Variants in ATP8A2 observed in about 807,000 individuals in gnomAD.
The protein encoded by ATP8A2 is phospholipid-transporting ATPase IB.
A neutral mutation model predicts 165.6 loss-of-function variants in ATP8A2; 100 were observed. The ratio of observed to expected loss-of-function variants is 0.60; its 90% CI spans 0.51 to 0.71. The LOEUF (loss-of-function observed/expected upper bound fraction) is 0.71. ATP8A2 is among the 30% of genes least tolerant of loss of function. The pLI is 0.00. For synonymous variants in ATP8A2, 543 were observed against 548.8 expected (o/e 0.99, Z 0.15); for missense variants, 1,227 against 1,479.5 (o/e 0.83, Z 2.80).
intron 24 of ATP8A2, among the ~76,000 whole-genome samples, chr13:25,658,904 T>A (rs1056234260): frequency 3.9e-5 from 6 of 152,178 alleles, no homozygotes; most frequent in Non-Finnish European, 7.4e-5. Context: ...CTGGTACTAC[T>A]GTAGTCTGCT....
At chr13:25,400,289 C>T (rs17082213) in intron 1 of ATP8A2, among the ~76,000 whole-genome samples, 19,414 of 152,160 alleles carry the variant, frequency 0.13, 1,607 homozygotes, top group African/African-American at 0.23. Flanking sequence ...TAAAGTTTAT[C>T]TCTCCAAATG....
At chr13:25,378,534 A>G (rs1426314491) in intron 1 of ATP8A2, among the ~76,000 whole-genome samples, 4 of 152,128 alleles carry the variant, frequency 2.6e-5, no homozygotes, top group Admixed American at 1.3e-4. Flanking sequence ...CTTTCTTGTC[A>G]CAGAGAAGAG....
chr13:25,720,918 G>A (rs1242044462), intron 25 of ATP8A2, among the ~76,000 whole-genome samples: 2 of 151,270 alleles, frequency 1.3e-5, no homozygotes, highest in Non-Finnish European at 2.9e-5. Context: ...GGACTGGGCA[G>A]AGAGGCCTCA....
chr13:25,974,721 G>A (rs1955990632), intron 35 of ATP8A2, among the ~76,000 whole-genome samples: 2 of 152,042 alleles, frequency 1.3e-5, no homozygotes, highest in African/African-American at 4.8e-5. Flanking sequence ...TGCTCCATCG[G>A]GATGAATTTT....
At chr13:25,545,414 G>A (rs975095443) in intron 10 of ATP8A2, among the ~76,000 whole-genome samples, 2 of 152,012 alleles carry the variant, frequency 1.3e-5, no homozygotes, top group African/African-American at 4.8e-5. Context: ...GTTTAGTGCT[G>A]TAGCCATGCA....
chr13:25,705,862 A>G (rs184847676), intron 25 of ATP8A2, among the ~76,000 whole-genome samples: 2 of 152,388 alleles, frequency 1.3e-5, no homozygotes, highest in East Asian at 1.9e-4. Flanking sequence ...GGTTATACAC[A>G]GTTTCTATGT....
chr13:25,767,211 A>G (rs1593314423), intron 25 of ATP8A2, among the ~76,000 whole-genome samples: 2 of 152,346 alleles, frequency 1.3e-5, no homozygotes, highest in South Asian at 4.1e-4. Flanking sequence ...CAGTTGCACA[A>G]ACTAGGCGGG....
intron 33 of ATP8A2, among the ~76,000 whole-genome samples, chr13:25,873,209 C>G (rs1029685657): frequency 6.6e-6 from 1 of 152,190 alleles, no homozygotes; most frequent in African/African-American, 2.4e-5. Flanking sequence ...AGGGTTTTGG[C>G]TCTTAGGCAA....
chr13:25,431,426 G>A (rs771544621), intron 1 of ATP8A2, among the ~76,000 whole-genome samples: 12 of 152,188 alleles, frequency 7.9e-5, no homozygotes, highest in Non-Finnish European at 1.6e-4. Flanking sequence ...TGGGATTACA[G>A]GCGTGAGCCA....
chr13:25,414,422 C>T (rs1382443888), intron 1 of ATP8A2, among the ~76,000 whole-genome samples: 1 of 152,144 alleles, frequency 6.6e-6, no homozygotes, highest in Non-Finnish European at 1.5e-5. Context: ...GAACTCCTGA[C>T]CTCAGGTGAT....
chr13:25,390,924 C>CAAA (rs201934356), intron 1 of ATP8A2, among the ~76,000 whole-genome samples: 1 of 116,164 alleles, frequency 8.6e-6, no homozygotes, highest in Non-Finnish European at 1.9e-5. Flanking sequence ...GACTCCGTCT[C>CAAA]AAAAAAAAAA....
chr13:25,958,201 G>A (rs1955573588), intron 33 of ATP8A2, among the ~76,000 whole-genome samples: 1 of 151,820 alleles, frequency 6.6e-6, no homozygotes, highest in Non-Finnish European at 1.5e-5. Context: ...TAATGTAGGT[G>A]ATGGGTTGAT....
intron 27 of ATP8A2, among the ~76,000 whole-genome samples, chr13:25,808,790 A>AT (rs1214825475): frequency 1.3e-5 from 2 of 151,752 alleles, no homozygotes; most frequent in African/African-American, 4.8e-5. Flanking sequence ...TCTACTTAAA[A>AT]TTTTTTTTCA....
At position 25,485,107 on chromosome 13, in the gene ATP8A2, T is replaced by C. The variant is rs531408524; in HGVS notation, c.221+15986T>C. Reference sequence around the variant, plus strand: ...CTAACAGTGATGTACCAGAGTAAACTGAATAATTTCACATAATGACGATGC... The same window carrying C: ...CTAACAGTGATGTACCAGAGTAAACCGAATAATTTCACATAATGACGATGC... On this transcript the variant is annotated intron_variant, in intron 2 of 36. Transcript: ENST00000381655. 3.3e-5 allele frequency among the ~76,000 whole-genome samples: 5 copies of C among 152,374 alleles called. No homozygotes were observed. The East Asian group carries it at 9.6e-4, about 29-fold the overall frequency.
At chr13:25,814,098 G>GACACACACAC (rs59562535) in intron 27 of ATP8A2, among the ~76,000 whole-genome samples, 6,980 of 149,384 alleles carry the variant, frequency 0.047, 199 homozygotes, top group South Asian at 0.076. Flanking sequence ...CACACATACA[G>GACACACACAC]ACACACACAC....
At chr13:25,545,554 AC>A (rs1478195287) in intron 10 of ATP8A2, among the ~76,000 whole-genome samples, 2 of 151,940 alleles carry the variant, frequency 1.3e-5, no homozygotes, top group Non-Finnish European at 2.9e-5. Context: ...GTATCCTTTA[AC>A]TCCCATAGTG....
intron 27 of ATP8A2, among the ~76,000 whole-genome samples, chr13:25,815,637 C>T (rs564899375): frequency 6.6e-6 from 1 of 152,112 alleles, no homozygotes; most frequent in Non-Finnish European, 1.5e-5. Flanking sequence ...TGTACCTCCA[C>T]GATATTAAAC....
At chr13:25,792,459 G>A (rs1167297303) in intron 27 of ATP8A2, among the ~76,000 whole-genome samples, 1 of 152,116 alleles carries the variant, frequency 6.6e-6, no homozygotes, top group Admixed American at 6.5e-5. Flanking sequence ...CCTAGGTCAA[G>A]TGCCTTGGCC....
At chr13:25,963,790 T>C (rs778415032) in intron 34 of ATP8A2, among the ~76,000 whole-genome samples, 9 of 152,230 alleles carry the variant, frequency 5.9e-5, no homozygotes, top group Non-Finnish European at 1.0e-4. Flanking sequence ...TCTTTTCCAG[T>C]GCGTTCTGAG....
Sources: gnomAD v4.1 joint callset for allele counts (sites outside exome capture counted in the v4.1 genomes callset) on GRCh38, gnomAD v4.1.1 for gene constraint, MANE v1.5 for transcripts, NCBI Gene and HGNC (gene_info 2026-07-23, HGNC 2026-07-21) for gene names.